The following MNAT1 variants were observed in gnomAD, a reference collection of about 807,000 sequenced individuals.
MNAT1 encodes CDK-activating kinase assembly factor MAT1.
Under a neutral mutation model 42.0 loss-of-function variants are expected in MNAT1, and 43 were observed. The ratio of observed to expected loss-of-function variants is 1.02; its 90% CI spans 0.80 to 1.32. The LOEUF (loss-of-function observed/expected upper bound fraction) is 1.32, where lower values mean the gene tolerates loss of function less well. Among genes scored for constraint, MNAT1 ranks in the 40% most tolerant of loss-of-function variants. The pLI, the probability that MNAT1 is intolerant of heterozygous loss-of-function variation, is 0.00. For missense variants in MNAT1, 306 were observed against 350.4 expected (o/e 0.87, Z 1.01); for synonymous variants, 118 against 120.0 (o/e 0.98, Z 0.11).
At chr14:60,823,374 T>TC (rs2032954736) in intron 6 of MNAT1, among the ~76,000 whole-genome samples, 1 of 152,180 alleles carries the variant, frequency 6.6e-6, no homozygotes, top group Non-Finnish European at 1.5e-5. Flanking sequence ...TGAAGGGGTA[T>TC]CTTACCCTGA....
chr14:60,923,479 TCTTTACATTTTATA>T (rs1481496871), intron 7 of MNAT1, among the ~76,000 whole-genome samples: 3 of 152,232 alleles, frequency 2.0e-5, no homozygotes, highest in Non-Finnish European at 2.9e-5. Context: ...CTATATCTTA[TCTTTACATTTTATA>T]CTTTACATTA....
chr14:60,853,898 A>C (rs575987531), intron 6 of MNAT1, among the ~76,000 whole-genome samples: 1 of 152,304 alleles, frequency 6.6e-6, no homozygotes, highest in South Asian at 2.1e-4. Context: ...GATGAAGCCA[A>C]CTTGATCATG....
At chr14:60,744,786 T>C (rs1896566616) in intron 1 of MNAT1, among the ~76,000 whole-genome samples, 1 of 152,214 alleles carries the variant, frequency 6.6e-6, no homozygotes, top group South Asian at 2.1e-4. Flanking sequence ...TGCCTTATTC[T>C]AGGATGTGGT....
chr14:60,853,068 C>G (rs1353063826), intron 6 of MNAT1, among the ~76,000 whole-genome samples: 1 of 152,094 alleles, frequency 6.6e-6, no homozygotes, highest in African/African-American at 2.4e-5. Flanking sequence ...GTAGTGTTTT[C>G]TAACTCTGGG....
intron 7 of MNAT1, among the ~76,000 whole-genome samples, chr14:60,958,070 C>G (rs907244295): frequency 6.6e-6 from 1 of 152,184 alleles, no homozygotes; most frequent in African/African-American, 2.4e-5. Flanking sequence ...CTTCCGACCT[C>G]AGGTGATCTG....
At chr14:60,862,116 C>T (rs867901542) in intron 6 of MNAT1, among the ~76,000 whole-genome samples, 31 of 152,156 alleles carry the variant, frequency 2.0e-4, no homozygotes, top group African/African-American at 7.2e-4. Flanking sequence ...GTTTAAAATA[C>T]AGATCTTTGA....
intron 7 of MNAT1, among the ~76,000 whole-genome samples, chr14:60,887,383 T>TC (rs1171124272): frequency 2.2e-5 from 2 of 91,824 alleles, no homozygotes; most frequent in African/African-American, 8.6e-5. Flanking sequence ...ATGCTATCCC[T>TC]CCCCCCTCCC....
intron 6 of MNAT1, among the ~76,000 whole-genome samples, chr14:60,852,341 T>C (rs990265286): frequency 1.3e-5 from 2 of 152,242 alleles, no homozygotes; most frequent in African/African-American, 4.8e-5. Context: ...TTTTGAGAAG[T>C]GTCTTTCATA....
intron 7 of MNAT1, among the ~76,000 whole-genome samples, chr14:60,931,364 T>C (rs2035877837): frequency 6.6e-6 from 1 of 152,164 alleles, no homozygotes; most frequent in Non-Finnish European, 1.5e-5. Flanking sequence ...GCTTGCTTTC[T>C]CACTACTCAC....
chr14:60,891,592 C>T (rs2034845298), intron 7 of MNAT1, among the ~76,000 whole-genome samples: 1 of 151,944 alleles, frequency 6.6e-6, no homozygotes, highest in South Asian at 2.1e-4. Context: ...CTGGAATTTA[C>T]AAGCGTGCAC....
chr14:60,755,913 T>C (rs1049936024), intron 1 of MNAT1, among the ~76,000 whole-genome samples: 4 of 152,178 alleles, frequency 2.6e-5, no homozygotes. Flanking sequence ...GGTATAGAGA[T>C]AGTCACTGAG....
In MNAT1 at chr14:60,796,250, A is replaced by G. The variant is rs1220233482; in HGVS notation, c.123A>G (p.Arg41=). 3 of 1,611,926 alleles carry G rather than the reference A, an allele frequency of 1.9e-6. No homozygotes were observed. The highest frequency in any genetic ancestry group is 8.5e-7 in the Non-Finnish European group (1 of 1,179,084). ...GTTGTGTAGATTTACTGTTTGTGAG[A>G]GGAGCTGGAAACTGCCCTGAGTGTG... The part of the protein sequence containing the change: ...CESCVDLLFV[R]GAGNCPECGT... Residue 41 remains arginine, a synonymous_variant, in exon 2 of 8, where the codon AGA becomes AGG. Transcript: ENST00000261245.
At chr14:60,776,122 G>A (rs533747785) in intron 1 of MNAT1, among the ~76,000 whole-genome samples, 1 of 152,332 alleles carries the variant, frequency 6.6e-6, no homozygotes, top group South Asian at 2.1e-4. Context: ...AAATGCATTT[G>A]CAAAGGATTG....
intron 1 of MNAT1, among the ~76,000 whole-genome samples, chr14:60,752,179 A>G (rs2030121912): frequency 1.3e-5 from 2 of 152,060 alleles, no homozygotes; most frequent in African/African-American, 2.4e-5. Flanking sequence ...ATTTCTTGCT[A>G]CTGATCTAGA....
intron 1 of MNAT1, among the ~76,000 whole-genome samples, chr14:60,748,320 T>A (rs1475493057): frequency 1.3e-5 from 2 of 152,190 alleles, no homozygotes; most frequent in East Asian, 3.8e-4. Flanking sequence ...AGTCTTGACA[T>A]CCCTGGCTTA....
chr14:60,915,619 T>C (rs896401893), intron 7 of MNAT1, among the ~76,000 whole-genome samples: 3 of 152,228 alleles, frequency 2.0e-5, no homozygotes, highest in African/African-American at 7.2e-5. Flanking sequence ...CCTTACCCAA[T>C]GTAGGTGTTA....
chr14:60,875,941 A>C (rs2034427970), intron 6 of MNAT1, among the ~76,000 whole-genome samples: 1 of 151,994 alleles, frequency 6.6e-6, no homozygotes, highest in Non-Finnish European at 1.5e-5. Flanking sequence ...AGTGTTGGTG[A>C]GACTGTAAAT....
In MNAT1 at chr14:60,813,667, A is replaced by C. The variant is rs141759338; in HGVS notation, c.561+1540A>C. Among the ~76,000 whole-genome samples the C allele has an allele frequency of 3.6e-3, 545 of 152,236 alleles. 5 individuals are homozygous for C. Among genetic ancestry groups the C allele is most frequent in the African/African-American group, 0.012 (502 of 41,542 alleles). On this transcript the variant is annotated intron_variant, in intron 5 of 7. Transcript: ENST00000261245. ...GTCCACACAGTATGTACTGGGGAAAACTATGTTTTTCTAGAATTTGGCATA... is the reference window on the plus strand; with the variant it reads ...GTCCACACAGTATGTACTGGGGAAACCTATGTTTTTCTAGAATTTGGCATA...
At chr14:60,951,420 T>C (rs913649260) in intron 7 of MNAT1, among the ~76,000 whole-genome samples, 2 of 152,054 alleles carry the variant, frequency 1.3e-5, no homozygotes, top group Admixed American at 6.6e-5. Context: ...CTTTTTCACA[T>C]TTTCCTTTTT....
Sources: gnomAD v4.1 joint callset for allele counts (sites outside exome capture counted in the v4.1 genomes callset) on GRCh38, gnomAD v4.1.1 for gene constraint, MANE v1.5 for transcripts, NCBI Gene and HGNC (gene_info 2026-07-23, HGNC 2026-07-21) for gene names.